The following TMCC2 variants were observed in gnomAD, a reference collection of about 807,000 sequenced individuals.
TMCC2 encodes the protein transmembrane and coiled-coil domains protein 2.
Under a neutral mutation model 49.4 loss-of-function variants are expected in TMCC2, and 16 were observed. The observed-to-expected ratio is 0.32, with a 90% CI of 0.22 to 0.49. The LOEUF is 0.49. Among genes scored for constraint, TMCC2 ranks in the 20% least tolerant of loss-of-function variants. TMCC2 has a pLI of 0.99. For synonymous variants in TMCC2, 397 were observed against 434.1 expected (o/e 0.91, Z 1.06); for missense variants, 762 against 989.8 (o/e 0.77, Z 3.09).
chr1:205,241,258 T>C lies in TMCC2; in HGVS notation c.208-247T>C, dbSNP rs761676138. ...TAGAAACTCTGAACCTTCATTTTGA[T>C]TAGGAATGTCCCGTGGAAAACCGTG... On this transcript the variant is annotated intron_variant, in intron 1 of 4. Coordinates refer to ENST00000358024, the MANE Select transcript of TMCC2 (RefSeq NM_014858.4). This position sits in a 1 kb window ranked among gnomAD's most constrained non-coding sequence, Gnocchi z 7.3. 1.4e-4 allele frequency among the ~76,000 whole-genome samples: 21 copies of C among 152,136 alleles called. No homozygotes were observed. The highest frequency in any genetic ancestry group is 2.6e-4 in the Non-Finnish European group (18 of 68,016).
chr1:205,247,732 A>G (rs1182504889), intron 2 of TMCC2, among the ~76,000 whole-genome samples: 1 of 151,948 alleles, frequency 6.6e-6, no homozygotes, highest in Non-Finnish European at 1.5e-5. Context: ...ACTAGCATCT[A>G]TTTTTAATTC....
At chr1:205,268,909 C>T in intron 2 of TMCC2, 41 bp from the exon 3 acceptor site, 1 of 1,597,672 alleles carries the variant, frequency 6.3e-7, no homozygotes, top group East Asian at 2.2e-5. Flanking sequence ...CCTATGGTCC[C>T]AGGGTTTACC....
At chr1:205,230,398 G>A (rs1200814469) in intron 1 of TMCC2, among the ~76,000 whole-genome samples, 2 of 152,204 alleles carry the variant, frequency 1.3e-5, no homozygotes, top group African/African-American at 4.8e-5. Context: ...TTGAGCTTTT[G>A]CCAGGCCCAG....
chr1:205,252,194 C>G (rs1484867722), intron 2 of TMCC2, among the ~76,000 whole-genome samples: 3 of 152,218 alleles, frequency 2.0e-5, no homozygotes. Flanking sequence ...GGGCTCATGT[C>G]TGTGCCCAAG....
chr1:205,243,234 A>G (rs1024531336), intron 2 of TMCC2, among the ~76,000 whole-genome samples: 7 of 152,158 alleles, frequency 4.6e-5, no homozygotes, highest in African/African-American at 1.7e-4. Context: ...AAGTACAAAA[A>G]TTAGCCAGGC....
intron 1 of TMCC2, among the ~76,000 whole-genome samples, chr1:205,233,147 G>C (rs1165933815): frequency 2.0e-5 from 3 of 152,086 alleles, no homozygotes; most frequent in African/African-American, 7.2e-5. Context: ...TCTCACAGTG[G>C]GAAGAATTGA....
chr1:205,249,547 T>C (rs2102563428), intron 2 of TMCC2, among the ~76,000 whole-genome samples: 2 of 152,318 alleles, frequency 1.3e-5, no homozygotes, highest in Admixed American at 1.3e-4. Context: ...ACTGAACTTG[T>C]AGGCCAGGTT....
At chr1:205,252,348 C>T (rs557826366) in intron 2 of TMCC2, among the ~76,000 whole-genome samples, 1 of 152,338 alleles carries the variant, frequency 6.6e-6, no homozygotes, top group South Asian at 2.1e-4. Context: ...TCCACTCTGG[C>T]CTGATCTGTC....
intron 2 of TMCC2, chr1:205,246,705 T>A: frequency 1.3e-6 from 2 of 1,549,512 alleles, no homozygotes; most frequent in Non-Finnish European, 1.7e-6. Context: ...AGTCAATGAA[T>A]ACATTTTAAA....
At chr1:205,262,091 C>T (rs1661139428) in intron 2 of TMCC2, among the ~76,000 whole-genome samples, 1 of 152,212 alleles carries the variant, frequency 6.6e-6, no homozygotes, top group Non-Finnish European at 1.5e-5. Flanking sequence ...TGGTTGCCCT[C>T]TCTCCATCGA....
intron 3 of TMCC2, among the ~76,000 whole-genome samples, chr1:205,270,262 G>A (rs1267502404): frequency 6.6e-6 from 1 of 152,154 alleles, no homozygotes; most frequent in Non-Finnish European, 1.5e-5. Context: ...TGGCCAGGCT[G>A]GTCTCGATCT....
rs35561522 is a variant in TMCC2, at chr1:205,232,934, CAAAAAAAAAAAAAAA to C, written c.207+4175_207+4189del. 1.1e-4 allele frequency among the ~76,000 whole-genome samples: 5 copies of C among 45,598 alleles called. No homozygotes were observed. The Admixed American group carries it at 1.1e-3, about 10-fold the overall frequency. The allele number at this position is 45,598 out of a possible 152,430, so 29.9% of individuals were successfully genotyped here. A position where few individuals can be genotyped will look rare whatever the true frequency, so the allele number is the denominator to read the frequency against. ...TGGGCTACAGAGCAAGACCCTATCT[CAAAAAAAAAAAAAAA>C]AAAAAAAAAAACACAAAAAAACACA... On this transcript the variant is annotated intron_variant, in intron 1 of 4. Transcript: ENST00000358024.
intron 1 of TMCC2, chr1:205,230,088 G>A (rs1488502979): frequency 1.0e-6 from 1 of 985,350 alleles, no homozygotes; most frequent in Non-Finnish European, 1.2e-6. Flanking sequence ...TATGGCAGCA[G>A]CCACTAAGGA....
rs140006734 is a variant in TMCC2 at position 205,241,191 on chromosome 1, A to T, written c.208-314A>T. 2.0e-3 allele frequency among the ~76,000 whole-genome samples: 307 copies of T among 152,274 alleles called. 7 individuals are homozygous for T. The highest frequency in any genetic ancestry group is 3.4e-3 in the Middle Eastern group (1 of 294). ...CCCATGAGCCAAGTGCTACCTGTGT[A>T]TGCCATTAAGCCCCAGACTGAAGCC... On this transcript the variant is annotated intron_variant, in intron 1 of 4. Transcript: ENST00000358024. This position sits in a 1 kb window ranked among gnomAD's most constrained non-coding sequence, Gnocchi z 7.3.
intron 2 of TMCC2, among the ~76,000 whole-genome samples, chr1:205,249,241 G>C (rs1305550440): frequency 6.6e-6 from 1 of 152,204 alleles, no homozygotes; most frequent in Non-Finnish European, 1.5e-5. Flanking sequence ...ACCTAAGCGA[G>C]AGCAGACTCT....
chr1:205,259,352 A>G (rs922653753), intron 2 of TMCC2, among the ~76,000 whole-genome samples: 3 of 152,042 alleles, frequency 2.0e-5, no homozygotes, highest in Non-Finnish European at 4.4e-5. Context: ...CAGAGGGAGG[A>G]GGGTCAGAGG....
intron 1 of TMCC2, among the ~76,000 whole-genome samples, chr1:205,231,004 C>CCG (rs1433297467): frequency 7.7e-6 from 1 of 130,446 alleles, no homozygotes; most frequent in Non-Finnish European, 1.7e-5. Context: ...CCATCCCCCC[C>CCG]CCCGCCCCCA....
At position 205,242,122 on chromosome 1, in the gene TMCC2, T is replaced by C; in HGVS notation, c.747+78T>C. ...TGAGGGGCCTTGAGACCTGGGGAGC[T>C]GAGCCAGGGGCCCTCCCTGGCAGAT... is the stretch of plus-strand genomic sequence containing the variant. On this transcript the variant is annotated intron_variant, in intron 2 of 4. Transcript: ENST00000358024. 4.1e-6 allele frequency: 6 copies of C among 1,450,060 alleles called. No individual in the cohort carries two copies. In the Admixed American group the frequency reaches 1.0e-4, roughly 25 times the overall value. The allele number at this position is 1,450,060 out of a possible 1,614,324, so 89.8% of individuals were successfully genotyped here.
At chr1:205,246,414 C>T in intron 2 of TMCC2, 2 of 1,153,134 alleles carry the variant, frequency 1.7e-6, no homozygotes, top group Non-Finnish European at 2.3e-6. Flanking sequence ...CTGTACGAGT[C>T]TGGAGTTCTG....
Sources: allele counts gnomAD v4.1 joint callset (sites outside exome capture counted in the v4.1 genomes callset), GRCh38; gene constraint gnomAD v4.1.1; non-coding constraint Gnocchi (gnomAD v3.1); transcripts MANE v1.5; gene names NCBI Gene and HGNC (gene_info 2026-07-23, HGNC 2026-07-21).